ADGRV1: variants seen among roughly 807,000 people sequenced by gnomAD.
ADGRV1 encodes the protein adhesion G protein-coupled receptor V1.
In ADGRV1, 359 loss-of-function variants were observed where a neutral mutation model predicts 596.2. That is an observed-to-expected ratio of 0.60 (90% CI 0.55 to 0.66). The LOEUF is 0.66. Among genes scored for constraint, ADGRV1 ranks in the 30% least tolerant of loss-of-function variants. The pLI, the probability that ADGRV1 is intolerant of heterozygous loss-of-function variation, is 0.00. For synonymous variants in ADGRV1, 2,681 were observed against 2,679.2 expected (o/e 1.00, Z -0.02); for missense variants, 7,274 against 7,575.6 (o/e 0.96, Z 1.48).
chr5:90,645,569 T>G (rs1034662434), intron 15 of ADGRV1, among the ~76,000 whole-genome samples: 2 of 152,194 alleles, frequency 1.3e-5, no homozygotes, highest in African/African-American at 4.8e-5. Context: ...CTTTGTGAGC[T>G]GGCTGAGCTT....
At chr5:90,959,910 T>C (rs377366412) in intron 83 of ADGRV1, among the ~76,000 whole-genome samples, 64 of 152,060 alleles carry the variant, frequency 4.2e-4, no homozygotes, top group South Asian at 3.1e-3. Context: ...GAGGCTAAGG[T>C]GGGCAGATCA....
chr5:90,720,024 C>T, intron 43 of ADGRV1, 24 bp from the exon 44 acceptor site: 2 of 1,596,762 alleles, frequency 1.3e-6, no homozygotes, highest in South Asian at 1.1e-5. Flanking sequence ...TTCTAGTAAC[C>T]TTATCTTTTG....
rs1372840819 is a variant in ADGRV1, at chr5:90,805,371, G to A, written c.14749G>A (p.Ala4917Thr). The A allele has an allele frequency of 6.2e-7, 1 of 1,611,938 alleles. No individual in the cohort carries two copies. The highest frequency in any genetic ancestry group is 1.1e-5 in the South Asian group (1 of 90,848). The change falls in exon 72 of 90, where the codon GCT becomes ACT. Residue 4917 changes from alanine (A) to threonine (T), a missense_variant. By Grantham distance (58) the Ala-to-Thr change is moderately conservative. Transcript: ENST00000405460. ...GATTTCTAGGAGAGGCACATATGGA[G>A]CTCTCTCGGTTGCCTGGACCACTGG... The part of the protein sequence containing the change: ...VMISRRGTYG[A>T]LSVAWTTGYA...
At chr5:90,909,326 G>A (rs528217312) in intron 83 of ADGRV1, among the ~76,000 whole-genome samples, 2 of 152,214 alleles carry the variant, frequency 1.3e-5, no homozygotes, top group South Asian at 4.1e-4. Context: ...CCAAAATGTT[G>A]CTATTATGCC....
rs893835731 is a variant in ADGRV1, at chr5:90,863,630, C to T, written c.17756-127C>T. On this transcript the variant is annotated intron_variant, in intron 82 of 89. Coordinates refer to ENST00000405460, the MANE Select transcript of ADGRV1 (RefSeq NM_032119.4). ...GATTACAATTGCCATGTCATCTTTTCCAGAGGTACTGGGCAGAGGCAGGTG... is the reference window on the plus strand; with the variant it reads ...GATTACAATTGCCATGTCATCTTTTTCAGAGGTACTGGGCAGAGGCAGGTG... 1.1e-5 allele frequency: 8 copies of T among 713,066 alleles called. No homozygotes were observed. The African/African-American group carries it at 1.4e-4, about 12-fold the overall frequency. The allele number at this position is 713,066 out of a possible 1,614,324, so 44.2% of individuals were successfully genotyped here. A position where few individuals can be genotyped will look rare whatever the true frequency, so the allele number is the denominator to read the frequency against.
At chr5:91,054,588 A>G (rs1786668933) in intron 85 of ADGRV1, among the ~76,000 whole-genome samples, 12 of 152,156 alleles carry the variant, frequency 7.9e-5, no homozygotes, top group Admixed American at 7.9e-4. Context: ...AGGCACTGGC[A>G]GAAGGATCCC....
intron 83 of ADGRV1, among the ~76,000 whole-genome samples, chr5:90,958,803 C>T (rs985090029): frequency 6.6e-6 from 1 of 152,170 alleles, no homozygotes; most frequent in African/African-American, 2.4e-5. Flanking sequence ...TCTTCAAATA[C>T]AGTTACATAC....
In ADGRV1 at chr5:90,790,996, G is replaced by T. The variant is rs1437274046; in HGVS notation, c.14167G>T (p.Val4723Leu). 1.9e-6 allele frequency: 3 copies of T among 1,613,872 alleles called. No homozygotes were observed. The highest frequency in any genetic ancestry group is 2.5e-6 in the Non-Finnish European group (3 of 1,179,834). ...TGATGTTCATTTGCTACCAGATGAG[G>T]TACCTGAGATAGAGGAAGATTATGT... ...SFDVHLLPDE[V>L]PEIEEDYVIQ... The change falls in exon 70 of 90, where the codon GTA (valine) becomes TTA (leucine). Residue 4723 changes from valine (V) to leucine (L), a missense_variant. Transcript: ENST00000405460.
At chr5:91,096,504 G>A (rs1241337872) in intron 86 of ADGRV1, among the ~76,000 whole-genome samples, 1 of 151,980 alleles carries the variant, frequency 6.6e-6, no homozygotes. Flanking sequence ...TGTTTGTTTT[G>A]TTTTCTTTGC....
rs1323969951 is a variant in ADGRV1, at chr5:90,840,821, C to G, written c.16855C>G (p.Leu5619Val). The G allele has an allele frequency of 6.2e-7, 1 of 1,613,716 alleles. No homozygotes were observed. The highest frequency in any genetic ancestry group is 8.5e-7 in the Non-Finnish European group (1 of 1,179,794). Residue 5619 changes from leucine (L) to valine (V), a missense_variant, in exon 78 of 90, where the codon CTT becomes GTT. Leu to Val is a conservative substitution (Grantham distance 32). Coordinates refer to ENST00000405460, the MANE Select transcript of ADGRV1 (RefSeq NM_032119.4). ...DKVYGTANIT[L>V]VSDADSQAIW... The stretch of plus-strand genomic sequence containing the variant: ...AGTGTATGGGACTGCCAACATCACT[C>G]TTGTCTCAGATGCAGATTCGCAGGC...
intron 9 of ADGRV1, among the ~76,000 whole-genome samples, chr5:90,633,094 A>T (rs1250657562): frequency 1.3e-5 from 2 of 152,204 alleles, no homozygotes; most frequent in African/African-American, 4.8e-5. Context: ...TTTGGCAAGC[A>T]TGGGGTTACT....
At chr5:91,111,444 G>C (rs1478835528) in intron 87 of ADGRV1, among the ~76,000 whole-genome samples, 2 of 152,090 alleles carry the variant, frequency 1.3e-5, no homozygotes, top group Admixed American at 6.6e-5. Flanking sequence ...ATGGAATATT[G>C]GATCAAATTA....
rs1765121668 is a variant in ADGRV1 at position 90,628,733 on chromosome 5, T to G, written c.1410T>G (p.Thr470=). The stretch of plus-strand genomic sequence containing the variant: ...AGATGTTGGCAACAATTCCTCTTAC[T>G]GTGGTTGATGATGATCTTCCAGAAG... ...QGQMLATIPL[T]VVDDDLPEEA... is the part of the protein sequence containing the mutation. The change falls in exon 8 of 90, where the codon ACT becomes ACG. Residue 470 remains threonine (T), a synonymous_variant. Transcript: ENST00000405460. 1 of 1,613,900 alleles carries G rather than the reference T, an allele frequency of 6.2e-7. No individual in the cohort carries two copies.
At chr5:91,136,076 G>C (rs2126818868) in intron 87 of ADGRV1, among the ~76,000 whole-genome samples, 1 of 152,232 alleles carries the variant, frequency 6.6e-6, no homozygotes, top group South Asian at 2.1e-4. Context: ...TGAGGCAGCG[G>C]GTGGCCTTGT....
At chr5:90,585,797 A>G (rs1758682760) in intron 1 of ADGRV1, among the ~76,000 whole-genome samples, 1 of 152,212 alleles carries the variant, frequency 6.6e-6, no homozygotes. Flanking sequence ...AAATTCCACT[A>G]CAATGATTCA....
intron 87 of ADGRV1, among the ~76,000 whole-genome samples, chr5:91,130,673 G>A (rs1794139840): frequency 6.6e-6 from 1 of 152,072 alleles, no homozygotes. Context: ...GTGCAGGTTT[G>A]TTGCATGGAT....
chr5:91,081,928 G>A (rs929601660), intron 86 of ADGRV1, among the ~76,000 whole-genome samples: 1 of 152,198 alleles, frequency 6.6e-6, no homozygotes, highest in Non-Finnish European at 1.5e-5. Context: ...GACTTAAATA[G>A]CACAACTAAA....
chr5:90,885,752 A>C (rs1770219178), intron 83 of ADGRV1, among the ~76,000 whole-genome samples: 1 of 152,152 alleles, frequency 6.6e-6, no homozygotes, highest in South Asian at 2.1e-4. Flanking sequence ...TTAGAGGAAG[A>C]GATAGAAATG....
chr5:90,945,415 G>T (rs1776488848), intron 83 of ADGRV1, among the ~76,000 whole-genome samples: 1 of 152,104 alleles, frequency 6.6e-6, no homozygotes, highest in Non-Finnish European at 1.5e-5. Context: ...CAGGGCTCCT[G>T]GGCCTCTAAG....
Sources: gnomAD v4.1 joint callset for allele counts (sites outside exome capture counted in the v4.1 genomes callset) on GRCh38, gnomAD v4.1.1 for gene constraint, MANE v1.5 for transcripts, NCBI Gene and HGNC (gene_info 2026-07-23, HGNC 2026-07-21) for gene names.